The following DNAJC7 variants were observed in gnomAD, a reference collection of about 807,000 sequenced individuals.
The protein encoded by DNAJC7 is DnaJ heat shock protein family (Hsp40) member C7.
DNAJC7 carries 18 observed loss-of-function variants against 67.4 expected under a neutral mutation model. The observed-to-expected ratio is 0.27, with a 90% CI of 0.18 to 0.40. The LOEUF is 0.40. DNAJC7 is among the 10% of genes least tolerant of loss of function. The pLI is 1.00. For missense variants in DNAJC7, 419 were observed against 613.8 expected (o/e 0.68, Z 3.35); for synonymous variants, 220 against 207.8 (o/e 1.06, Z -0.50).
At chr17:42,016,998 G>C in intron 1 of DNAJC7, 1 of 1,274,252 alleles carries the variant, frequency 7.8e-7, no homozygotes, top group Non-Finnish European at 1.0e-6. Context: ...GGTCGGGGGC[G>C]ATGTAAGGAA....
chr17:42,007,835 T>G (rs1237810163), intron 1 of DNAJC7, among the ~76,000 whole-genome samples: 7 of 117,058 alleles, frequency 6.0e-5, no homozygotes, highest in African/African-American at 2.4e-4. Flanking sequence ...CAGAAAAAAC[T>G]GCCTTTTTTT....
At position 42,016,893 on chromosome 17, in the gene DNAJC7, A is replaced by C. The variant is rs2052313094; in HGVS notation, c.77+447T>G. On this transcript the variant is annotated intron_variant, in intron 1 of 13. Coordinates refer to ENST00000457167, the MANE Select transcript of DNAJC7 (RefSeq NM_003315.4). The stretch of plus-strand genomic sequence containing the variant: ...CCCAGACTAGTGATCGCTGGGGTAT[A>C]ATTACAAGGGAAAACGGGGTGAGGA... 5 of 1,019,824 alleles carry C rather than the reference A, an allele frequency of 4.9e-6. No homozygotes were observed. The Admixed American group carries it at 2.0e-4, about 41-fold the overall frequency. 63.2% of individuals were successfully genotyped at this position (1,019,824 alleles called of 1,614,324 possible).
At chr17:41,998,924 C>T (rs7217511) in intron 2 of DNAJC7, among the ~76,000 whole-genome samples, 10,131 of 152,020 alleles carry the variant, frequency 0.067, 446 homozygotes, top group African/African-American at 0.13. Flanking sequence ...GGTGGCACAT[C>T]CCTGTAATTC....
chr17:42,005,832 C>T (rs899472171), intron 1 of DNAJC7, among the ~76,000 whole-genome samples: 2 of 152,104 alleles, frequency 1.3e-5, no homozygotes, highest in African/African-American at 2.4e-5. Flanking sequence ...TCCCCACCTC[C>T]TGGGTTCAAG....
At position 41,982,281 on chromosome 17, in the gene DNAJC7, C is replaced by T; in HGVS notation, c.1205G>A (p.Arg402Gln). The T allele has an allele frequency of 2.5e-6, 4 of 1,614,014 alleles. No homozygotes were observed. Among genetic ancestry groups the T allele is most frequent in the South Asian group, 1.1e-5 (1 of 91,084 alleles). ...ASEDEIKKAY[R>Q]KRALMHHPDR... The stretch of plus-strand genomic sequence containing the variant: ...TGGATGGTGCATCAAGGCCCGTTTC[C>T]GATAAGCTTTCTTGATCTCGTCCTC... The change falls in exon 11 of 14, where the codon CGG (arginine) becomes CAG (glutamine). Residue 402 changes from arginine to glutamine, a missense_variant. Arg to Gln is a conservative substitution (Grantham distance 43). Coordinates refer to ENST00000457167, the MANE Select transcript of DNAJC7 (RefSeq NM_003315.4).
intron 5 of DNAJC7, among the ~76,000 whole-genome samples, chr17:41,994,123 G>T (rs2051589538): frequency 6.6e-6 from 1 of 151,720 alleles, no homozygotes; most frequent in Non-Finnish European, 1.5e-5. Flanking sequence ...AGATCAGGAG[G>T]TCAGGAGTTT....
chr17:41,985,420 A>T (rs1371941256), intron 9 of DNAJC7: 2 of 83,564 alleles, frequency 2.4e-5, no homozygotes, highest in African/African-American at 1.4e-4. Context: ...ATCCTGAATT[A>T]AAAAAAAAAA....
intron 5 of DNAJC7, 73 bp downstream of exon 5, chr17:41,994,793 CTTAA>C (rs2051612099): frequency 7.7e-7 from 1 of 1,296,110 alleles, no homozygotes; most frequent in African/African-American, 1.4e-5. Flanking sequence ...TACTACTCCT[CTTAA>C]TTATCACACA....
At chr17:41,986,047 TAAAAAAAAAAAAAAAAAAAA>T (rs5820439) in intron 9 of DNAJC7, 4 of 32,552 alleles carry the variant, frequency 1.2e-4, no homozygotes, top group African/African-American at 4.4e-4. Flanking sequence ...GGGGCTTGCT[TAAAAAAAAAAAAAAAAAAAA>T]AAAAAAAAAA....
Position 42,000,570 on chromosome 17 carries a change from C to T in DNAJC7, c.78G>A (p.Arg26=), listed in dbSNP as rs782405460. Reference sequence around the variant, plus strand: ...CTTGTTCCTTGAAAGTCTCTGCTTCCCTGAAAATGAAAGAGAAAGAGAATC... The same window carrying T: ...CTTGTTCCTTGAAAGTCTCTGCTTCTCTGAAAATGAAAGAGAAAGAGAATC... ...PELLDDQEAK[R]EAETFKEQGN... is the part of the protein sequence containing the mutation. Residue 26 remains arginine, a splice_region_variant and synonymous_variant, in exon 2 of 14, where the codon AGG becomes AGA. Transcript: ENST00000457167. 1.9e-5 allele frequency: 30 copies of T among 1,602,516 alleles called. No individual in the cohort carries two copies. The highest frequency in any genetic ancestry group is 1.7e-4 in the Middle Eastern group (1 of 6,054).
At chr17:42,006,955 A>C (rs551583455) in intron 1 of DNAJC7, among the ~76,000 whole-genome samples, 2 of 151,938 alleles carry the variant, frequency 1.3e-5, no homozygotes, top group African/African-American at 4.8e-5. Context: ...AAAAAGGATT[A>C]GCCAGGCAAG....
At chr17:41,993,503 G>C (rs1257244868) in intron 5 of DNAJC7, among the ~76,000 whole-genome samples, 1 of 151,992 alleles carries the variant, frequency 6.6e-6, no homozygotes, top group African/African-American at 2.4e-5. Context: ...AAAATTTACT[G>C]AGCACATGCT....
At chr17:41,989,306 T>G in intron 7 of DNAJC7, 98 bp downstream of exon 7, 1 of 1,455,290 alleles carries the variant, frequency 6.9e-7, no homozygotes. Context: ...GAGGAAAAGC[T>G]ATCACATTCC....
rs114408831 is a variant in DNAJC7, at chr17:42,005,196, A to G, written c.78-4626T>C. 2.4e-3 allele frequency among the ~76,000 whole-genome samples: 370 copies of G among 152,354 alleles called. 1 individual carries two copies. Among genetic ancestry groups the G allele is most frequent in the African/African-American group, 8.6e-3 (357 of 41,596 alleles). ...TACTCCAACAAACACTGCTAAGGGA[A>G]TCATTTGGTATCACACAGGTCTTAG... On this transcript the variant is annotated intron_variant, in intron 1 of 13. Transcript: ENST00000457167.
At chr17:41,977,100 G>T in intron 13 of DNAJC7, 161 bp downstream of exon 13, 1 of 777,990 alleles carries the variant, frequency 1.3e-6, no homozygotes, top group Non-Finnish European at 2.1e-6. Flanking sequence ...GAACCTTCCT[G>T]TCTTCATCCT....
chr17:41,996,690 C>T (rs542881761), intron 3 of DNAJC7, among the ~76,000 whole-genome samples: 2 of 152,232 alleles, frequency 1.3e-5, no homozygotes, highest in African/African-American at 4.8e-5. Context: ...GCCTGTGGTC[C>T]CAGCTACTCT....
chr17:41,998,929 T>C (rs2051731686), intron 2 of DNAJC7, among the ~76,000 whole-genome samples: 1 of 152,140 alleles, frequency 6.6e-6, no homozygotes, highest in African/African-American at 2.4e-5. Context: ...CACATCCCTG[T>C]AATTCTAGCA....
At chr17:41,991,392 G>A (rs1364671451) in intron 5 of DNAJC7, among the ~76,000 whole-genome samples, 1 of 152,124 alleles carries the variant, frequency 6.6e-6, no homozygotes, top group Non-Finnish European at 1.5e-5. Context: ...ATACTATATA[G>A]TTCTAAAATA....
chr17:41,993,420 C>G (rs1032355352), intron 5 of DNAJC7, among the ~76,000 whole-genome samples: 3 of 152,188 alleles, frequency 2.0e-5, no homozygotes, highest in Non-Finnish European at 4.4e-5. Flanking sequence ...GATCCCGCCA[C>G]TGCACTCCAG....
Sources: gnomAD v4.1 joint callset for allele counts (sites outside exome capture counted in the v4.1 genomes callset) on GRCh38, gnomAD v4.1.1 for gene constraint, MANE v1.5 for transcripts, NCBI Gene and HGNC (gene_info 2026-07-23, HGNC 2026-07-21) for gene names.